The following ARSB variants were observed in gnomAD, a reference collection of about 807,000 sequenced individuals.
ARSB encodes the protein N-acetylgalactosamine-4-sulfatase.
In ARSB, 41 loss-of-function variants were observed where a neutral mutation model predicts 50.9. The ratio of observed to expected loss-of-function variants is 0.81; its 90% CI spans 0.63 to 1.04. The LOEUF is 1.04. Ranked by LOEUF, ARSB falls within the 50% of genes least tolerant of loss-of-function variation. The pLI is 0.00. For missense variants in ARSB, 672 were observed against 693.3 expected (o/e 0.97, Z 0.35); for synonymous variants, 269 against 284.8 (o/e 0.94, Z 0.56).
chr5:78,816,942 G>A (rs1744013373), intron 6 of ARSB: 1 of 304,874 alleles, frequency 3.3e-6, no homozygotes, highest in South Asian at 1.3e-4. Flanking sequence ...GAGACCCTAA[G>A]CAGAGAACCC....
chr5:78,949,013 T>TA (rs1319940335), intron 4 of ARSB, among the ~76,000 whole-genome samples: 21 of 152,202 alleles, frequency 1.4e-4, no homozygotes, highest in African/African-American at 4.3e-4. Flanking sequence ...TTAGCCATTT[T>TA]AAAGTATCCA....
Position 78,885,799 on chromosome 5 carries a change from A to AC in ARSB, c.926dup (p.Asn310Ter). The stretch of plus-strand genomic sequence containing the variant: ...TTCTTCCTCGAAGGGGCCAGTTATT[A>AC]CCCCCTGCCAAAGTCTGCCCTCCGT... On this transcript the variant is annotated frameshift_variant, in exon 5 of 8. Coordinates refer to ENST00000264914, the MANE Select transcript of ARSB (RefSeq NM_000046.5). LOFTEE classifies it high-confidence loss of function. 6.2e-7 allele frequency: 1 copy of AC among 1,614,008 alleles called. No individual in the cohort carries two copies. The highest frequency in any genetic ancestry group is 8.5e-7 in the Non-Finnish European group (1 of 1,179,996).
At chr5:78,783,851 A>T (rs1748999121) in intron 6 of ARSB, among the ~76,000 whole-genome samples, 1 of 152,230 alleles carries the variant, frequency 6.6e-6, no homozygotes, top group South Asian at 2.1e-4. Flanking sequence ...TAAGCCTAAG[A>T]CTAAACTATG....
chr5:78,975,246 G>GGA (rs1213184017), intron 1 of ARSB, among the ~76,000 whole-genome samples: 1 of 152,234 alleles, frequency 6.6e-6, no homozygotes, highest in African/African-American at 2.4e-5. Context: ...AGCAGGAAAG[G>GGA]GAGGGCATGC....
intron 4 of ARSB, among the ~76,000 whole-genome samples, chr5:78,908,206 T>C (rs1200535612): frequency 6.6e-6 from 1 of 152,210 alleles, no homozygotes; most frequent in African/African-American, 2.4e-5. Flanking sequence ...TGTATCATAC[T>C]TGTGCCTCTC....
At position 78,980,744 on chromosome 5, in the gene ARSB, G is replaced by GTGTGTGTA. The variant is rs1554089423; in HGVS notation, c.312+4192_312+4193insTACACACA. Among the ~76,000 whole-genome samples, 1,088 of 151,596 alleles carry GTGTGTGTA rather than the reference G, an allele frequency of 7.2e-3. 7 individuals are homozygous for GTGTGTGTA. Among genetic ancestry groups the GTGTGTGTA allele is most frequent in the South Asian group, 0.011 (51 of 4,806 alleles). On this transcript the variant is annotated intron_variant, in intron 1 of 7. Coordinates refer to ENST00000264914, the MANE Select transcript of ARSB (RefSeq NM_000046.5). ...TAAGGAAGTGTGTGTATGTGTGTGT[G>GTGTGTGTA]TGTGTGTGTGTTTTGGTAGATTTTC...
chr5:78,897,274 G>C (rs751150838), intron 4 of ARSB, among the ~76,000 whole-genome samples: 28 of 152,100 alleles, frequency 1.8e-4, no homozygotes, highest in Non-Finnish European at 3.5e-4. Flanking sequence ...TCACTGTGTG[G>C]GGTTATTACG....
chr5:78,888,304 T>C (rs1417807616), intron 4 of ARSB, among the ~76,000 whole-genome samples: 2 of 152,174 alleles, frequency 1.3e-5, no homozygotes, highest in East Asian at 1.9e-4. Context: ...TCACCATCAG[T>C]AGAAAGAAGA....
intron 4 of ARSB, among the ~76,000 whole-genome samples, chr5:78,936,034 C>A (rs546621581): frequency 6.2e-4 from 73 of 118,436 alleles, no homozygotes; most frequent in African/African-American, 2.3e-3. Flanking sequence ...TCTCCCCCCC[C>A]ACCTCCCTCC....
intron 5 of ARSB, among the ~76,000 whole-genome samples, chr5:78,866,714 T>C (rs1365018281): frequency 6.6e-6 from 1 of 151,886 alleles, no homozygotes; most frequent in African/African-American, 2.4e-5. Context: ...GGAAGATGGA[T>C]GGTAAAGGGA....
intron 4 of ARSB, among the ~76,000 whole-genome samples, chr5:78,920,323 C>T (rs933550982): frequency 4.6e-5 from 7 of 152,098 alleles, no homozygotes; most frequent in African/African-American, 1.7e-4. Context: ...GTGGGAGGAT[C>T]GCTTGAACCC....
chr5:78,944,176 C>T (rs1751089622), intron 4 of ARSB, among the ~76,000 whole-genome samples: 1 of 152,186 alleles, frequency 6.6e-6, no homozygotes, highest in African/African-American at 2.4e-5. Context: ...GTTAGCCATT[C>T]ATCTAATCTT....
At chr5:78,801,433 T>C (rs1467695547) in intron 6 of ARSB, among the ~76,000 whole-genome samples, 1 of 152,150 alleles carries the variant, frequency 6.6e-6, no homozygotes, top group Non-Finnish European at 1.5e-5. Flanking sequence ...AGGTCTGGAA[T>C]GGCATCACTG....
intron 4 of ARSB, among the ~76,000 whole-genome samples, chr5:78,909,867 G>A (rs924474761): frequency 6.6e-6 from 1 of 152,180 alleles, no homozygotes; most frequent in African/African-American, 2.4e-5. Flanking sequence ...TCTCCTGCCT[G>A]CCCCTGGGAA....
rs184277958 is a variant in ARSB, at chr5:78,888,118, G to A, written c.899-2291C>T. Among the ~76,000 whole-genome samples the A allele has an allele frequency of 3.3e-3, 487 of 147,576 alleles. 2 individuals are homozygous for A. Among genetic ancestry groups the A allele is most frequent in the African/African-American group, 0.011 (467 of 41,212 alleles). ...ACAATTCTTCAACACATGGGTCGGT[G>A]ACAGACAATCTCATCATTTGACATC... On this transcript the variant is annotated intron_variant, in intron 4 of 7. Transcript: ENST00000264914.
intron 4 of ARSB, among the ~76,000 whole-genome samples, chr5:78,945,206 C>A (rs1751160228): frequency 6.6e-6 from 1 of 152,152 alleles, no homozygotes; most frequent in African/African-American, 2.4e-5. Flanking sequence ...AAAGGGAATT[C>A]CCTGACCCCT....
At chr5:78,930,863 C>T (rs1750288718) in intron 4 of ARSB, among the ~76,000 whole-genome samples, 1 of 152,214 alleles carries the variant, frequency 6.6e-6, no homozygotes, top group Non-Finnish European at 1.5e-5. Context: ...AAGCCAAGCA[C>T]AGCGGGGTGG....
chr5:78,933,436 T>C (rs1313828737), intron 4 of ARSB, among the ~76,000 whole-genome samples: 1 of 152,184 alleles, frequency 6.6e-6, no homozygotes, highest in Non-Finnish European at 1.5e-5. Flanking sequence ...TGTTCTTATC[T>C]TCACAGTCAC....
At chr5:78,905,513 TCTG>T (rs1749021633) in intron 4 of ARSB, among the ~76,000 whole-genome samples, 1 of 152,210 alleles carries the variant, frequency 6.6e-6, no homozygotes, top group African/African-American at 2.4e-5. Context: ...TGTCTCACCT[TCTG>T]TGGACAGTGG....
Sources: allele counts gnomAD v4.1 joint callset (sites outside exome capture counted in the v4.1 genomes callset), GRCh38; gene constraint gnomAD v4.1.1; transcripts MANE v1.5; gene names NCBI Gene and HGNC (gene_info 2026-07-23, HGNC 2026-07-21).